RGN: variants seen among roughly 807,000 people sequenced by gnomAD.
The protein encoded by RGN is regucalcin.
Under a neutral mutation model 20.6 loss-of-function variants are expected in RGN, and 19 were observed. That is an observed-to-expected ratio of 0.92 (90% CI 0.64 to 1.35). The LOEUF is 1.35. Ranked by LOEUF, RGN falls within the 40% of genes most tolerant of loss-of-function variation. The pLI is 0.00. For missense variants in RGN, 302 were observed against 232.7 expected (o/e 1.30, Z -1.94); for synonymous variants, 85 against 87.2 (o/e 0.97, Z 0.14).
intron 4 of RGN, among the ~76,000 whole-genome samples, chrX:47,086,689 A>G (rs1811703453): frequency 9.7e-6 from 1 of 102,946 alleles, no homozygotes; most frequent in Admixed American, 1.1e-4. Flanking sequence ...GGGTCTCTCC[A>G]CAGGGCTGCT....
At chrX:47,083,095 A>C (rs782226127) in intron 3 of RGN, among the ~76,000 whole-genome samples, 3 of 111,348 alleles carry the variant, frequency 2.7e-5, no homozygotes, top group African/African-American at 9.8e-5. Context: ...AAATAAAATA[A>C]ATTTAAAAAA....
chrX:47,088,371 A>G (rs1319856203), intron 4 of RGN, among the ~76,000 whole-genome samples: 3 of 110,100 alleles, frequency 2.7e-5, no homozygotes, highest in Admixed American at 2.0e-4. Context: ...GATAATGTGC[A>G]GGGAGAGTCA....
intron 3 of RGN, among the ~76,000 whole-genome samples, chrX:47,081,521 TTG>T (rs1491138034): frequency 1.0e-4 from 7 of 69,981 alleles, no homozygotes; most frequent in African/African-American, 2.2e-4. Context: ...TAGTTTTTTT[TTG>T]GGGGGGGGGG....
At chrX:47,086,332 C>T (rs1311259284) in intron 4 of RGN, among the ~76,000 whole-genome samples, 1 of 111,521 alleles carries the variant, frequency 9.0e-6, no homozygotes, top group Non-Finnish European at 1.9e-5. Flanking sequence ...ATTTTGATCA[C>T]CAGGTTAAGG....
chrX:47,085,774 A>G (rs370420029), intron 4 of RGN, among the ~76,000 whole-genome samples: 1 of 111,482 alleles, frequency 9.0e-6, no homozygotes, highest in South Asian at 3.7e-4. Flanking sequence ...GAGCCACTGC[A>G]CCTGGCCTAT....
At chrX:47,088,931 CA>C (rs1192707605) in intron 4 of RGN, among the ~76,000 whole-genome samples, 292 of 47,111 alleles carry the variant, frequency 6.2e-3, no homozygotes, top group South Asian at 0.029. Flanking sequence ...AACACTCTGC[CA>C]AAAAAAAAAA....
intron 4 of RGN, among the ~76,000 whole-genome samples, chrX:47,088,721 C>T (rs782678486): frequency 8.3e-5 from 9 of 107,900 alleles, no homozygotes; most frequent in Admixed American, 5.1e-4. Flanking sequence ...CACTTGAGCT[C>T]GGGAGTCTGA....
chrX:47,081,788 C>G lies in RGN; in HGVS notation c.163+481C>G, dbSNP rs1181506617. ...TCTCAAACTCCTGGGCTCAAGAGAT[C>G]CACCCACTTCGACCTCCCAAAGTGT... On this transcript the variant is annotated intron_variant, in intron 3 of 7. Coordinates refer to ENST00000397180, the MANE Select transcript of RGN (RefSeq NM_152869.4). Among the ~76,000 whole-genome samples the G allele has an allele frequency of 7.2e-5, 8 of 111,700 alleles. No individual in the cohort carries two copies. In the Admixed American group the frequency reaches 7.7e-4, roughly 11 times the overall value.
chrX:47,083,077 A>G (rs1556382181), intron 3 of RGN, among the ~76,000 whole-genome samples: 1 of 110,179 alleles, frequency 9.1e-6, no homozygotes, highest in African/African-American at 3.3e-5. Flanking sequence ...CAATCTCTCC[A>G]CTTAAAAAAA....
chrX:47,084,479 A>G lies in RGN; in HGVS notation c.225A>G (p.Thr75=). 1 of 1,206,470 alleles carries G rather than the reference A, an allele frequency of 8.3e-7. No homozygotes were observed. Among genetic ancestry groups the G allele is most frequent in the Non-Finnish European group, 1.1e-6 (1 of 892,545 alleles). ...GAGGCTATGTTGCCACCATTGGAACAAAGTTCTGTGCTTTGAACTGGAAAG... is the reference window on the plus strand; with the variant it reads ...GAGGCTATGTTGCCACCATTGGAACGAAGTTCTGTGCTTTGAACTGGAAAG... ...QSGGYVATIG[T]KFCALNWKEQ... The change falls in exon 4 of 8, where the codon ACA becomes ACG. Residue 75 remains threonine (T), a synonymous_variant. Coordinates refer to ENST00000397180, the MANE Select transcript of RGN (RefSeq NM_152869.4).
At chrX:47,092,624 T>C (rs1442126606) in intron 7 of RGN, among the ~76,000 whole-genome samples, 3 of 112,035 alleles carry the variant, frequency 2.7e-5, no homozygotes, top group Non-Finnish European at 3.8e-5. Flanking sequence ...AAGAAATACA[T>C]AATGTAGAAA....
At chrX:47,078,945 C>T (rs368625692) in intron 1 of RGN, among the ~76,000 whole-genome samples, 24 of 104,951 alleles carry the variant, frequency 2.3e-4, no homozygotes, top group South Asian at 4.4e-4. Flanking sequence ...AACACTGCCC[C>T]CCACCCCCGC....
intron 5 of RGN, among the ~76,000 whole-genome samples, chrX:47,090,911 AG>A (rs1930930745): frequency 3.2e-4 from 9 of 27,870 alleles, no homozygotes; most frequent in African/African-American, 1.2e-3. Flanking sequence ...GAAAGAAAGA[AG>A]AAGGAAAGAA....
chrX:47,085,654 TA>T (rs201886978), intron 4 of RGN, among the ~76,000 whole-genome samples: 15 of 108,250 alleles, frequency 1.4e-4, no homozygotes, highest in South Asian at 4.0e-4. Flanking sequence ...GTCCTTTATT[TA>T]AAAAAAAAAT....
chrX:47,086,356 C>A (rs1298006776), intron 4 of RGN, among the ~76,000 whole-genome samples: 2 of 111,835 alleles, frequency 1.8e-5, no homozygotes, highest in Non-Finnish European at 3.8e-5. Flanking sequence ...TGTCAGATTT[C>A]TCTACTGAAT....
intron 4 of RGN, among the ~76,000 whole-genome samples, 164 bp from the exon 5 acceptor site, chrX:47,089,598 TACACACACACACAC>T (rs200155890): frequency 0.019 from 1,349 of 69,951 alleles, 24 homozygotes; most frequent in East Asian, 0.04. Flanking sequence ...TATATATATA[TACACACACACACAC>T]ACACACACAC....
intron 5 of RGN, among the ~76,000 whole-genome samples, chrX:47,091,124 T>C (rs147909194): frequency 2.4e-4 from 27 of 111,166 alleles, no homozygotes; most frequent in African/African-American, 8.2e-4. Context: ...ATTTGTTTTT[T>C]GTATACCACG....
intron 1 of RGN, among the ~76,000 whole-genome samples, chrX:47,079,242 G>A (rs1417528535): frequency 9.1e-6 from 1 of 109,745 alleles, no homozygotes; most frequent in East Asian, 2.9e-4. Context: ...TTACAGGCAC[G>A]AGCCACCAGC....
At chrX:47,091,905 C>A in intron 6 of RGN, 96 bp downstream of exon 6, 1 of 1,059,386 alleles carries the variant, frequency 9.4e-7, no homozygotes, top group Non-Finnish European at 1.3e-6. Flanking sequence ...AGAGGTGCGA[C>A]TTTTTGCTCA....
Sources: gnomAD v4.1 joint callset for allele counts (sites outside exome capture counted in the v4.1 genomes callset) on GRCh38, gnomAD v4.1.1 for gene constraint, MANE v1.5 for transcripts, NCBI Gene and HGNC (gene_info 2026-07-23, HGNC 2026-07-21) for gene names.